Variants in NFIX observed in about 807,000 individuals in gnomAD.
The protein encoded by NFIX is nuclear factor I X, also known as nuclear factor 1 X-type.
A neutral mutation model predicts 53.3 loss-of-function variants in NFIX; 2 were observed. That is an observed-to-expected ratio of 0.04 (90% CI 0.02 to 0.12). The LOEUF is 0.12. Among genes scored for constraint, NFIX ranks in the 10% least tolerant of loss-of-function variants. The pLI is 1.00. For synonymous variants in NFIX, 244 were observed against 289.0 expected, an observed-to-expected ratio of 0.84 and a Z score of 1.58; for missense variants, 310 against 674.5, an observed-to-expected ratio of 0.46 and a Z score of 5.99.
At chr19:13,047,685 C>G (rs1342586386) in intron 2 of NFIX, among the ~76,000 whole-genome samples, 1 of 152,132 alleles carries the variant, frequency 6.6e-6, no homozygotes, top group Non-Finnish European at 1.5e-5. Context: ...GATAAGGAGG[C>G]CATGGGGAGG....
At chr19:13,058,560 C>T (rs1403421239) in intron 2 of NFIX, among the ~76,000 whole-genome samples, 1 of 149,658 alleles carries the variant, frequency 6.7e-6, no homozygotes, top group Non-Finnish European at 1.5e-5. Context: ...GGGACCACAG[C>T]TGCATGCTAC....
chr19:13,065,404 G>C (rs1009495876), intron 2 of NFIX, among the ~76,000 whole-genome samples: 3 of 152,190 alleles, frequency 2.0e-5, no homozygotes, highest in Admixed American at 6.5e-5. Flanking sequence ...AAACACCCCA[G>C]ACAGTGCTGC....
At chr19:13,050,779 C>A (rs925189077) in intron 2 of NFIX, among the ~76,000 whole-genome samples, 3 of 152,208 alleles carry the variant, frequency 2.0e-5, no homozygotes, top group African/African-American at 7.2e-5. Flanking sequence ...TCTGAGGAAA[C>A]CCAGTCCCCT....
At position 13,078,515 on chromosome 19, in the gene NFIX, G is replaced by A. The variant is rs1599855084; in HGVS notation, c.956-98G>A. On this transcript the variant is annotated intron_variant, in intron 6 of 10. Coordinates refer to ENST00000592199, the MANE Select transcript of NFIX (RefSeq NM_001365902.3). This position sits in a 1 kb window ranked among gnomAD's most constrained non-coding sequence, Gnocchi z 4.7. ...AGTGGAGGAAGGGGCAGTGGGGAGG[G>A]GCTGAGGAGAGAAGGAGCGAGCTGC... 5.6e-6 allele frequency: 8 copies of A among 1,418,002 alleles called. No homozygotes were observed. The highest frequency in any genetic ancestry group is 5.4e-5 in the South Asian group (4 of 74,292). 87.8% of individuals were successfully genotyped at this position (1,418,002 alleles called of 1,614,324 possible).
At chr19:13,007,356 T>A (rs1266739686) in intron 1 of NFIX, among the ~76,000 whole-genome samples, 1 of 152,118 alleles carries the variant, frequency 6.6e-6, no homozygotes, top group Non-Finnish European at 1.5e-5. Context: ...GGGGCACATG[T>A]TCTAAGCCAG....
In NFIX at chr19:13,043,022, T is replaced by C. The variant is rs187169075; in HGVS notation, c.559+17470T>C. 1.0e-3 allele frequency among the ~76,000 whole-genome samples: 155 copies of C among 152,328 alleles called. No individual in the cohort carries two copies. Among genetic ancestry groups the C allele is most frequent in the Non-Finnish European group, 1.7e-3 (117 of 68,028 alleles). ...AGCCTCAGAAAGATGTTGCCATCAT[T>C]GTACATATCGTGTACATTGCACATA... On this transcript the variant is annotated intron_variant, in intron 2 of 10. Coordinates refer to ENST00000592199, the MANE Select transcript of NFIX (RefSeq NM_001365902.3). The surrounding 1 kb of genome is among the most constrained non-coding windows in gnomAD (Gnocchi z 4.0).
rs8104665 is a variant in NFIX at position 13,081,483 on chromosome 19, T to A, written c.1079-197T>A. Among the ~76,000 whole-genome samples the A allele has an allele frequency of 0.022, 3,372 of 151,112 alleles. 122 individuals carry two copies. The highest frequency in any genetic ancestry group is 0.076 in the African/African-American group (3,159 of 41,428). On this transcript the variant is annotated intron_variant, in intron 7 of 10. Transcript: ENST00000592199. The surrounding 1 kb of genome is among the most constrained non-coding windows in gnomAD (Gnocchi z 4.7). ...TTTGATTATTATTATTATTATTATTTTTGTATTGCATTAAAACATCATGGA... is the reference window on the plus strand; with the variant it reads ...TTTGATTATTATTATTATTATTATTATTGTATTGCATTAAAACATCATGGA...
At chr19:13,056,890 C>G (rs368556903) in intron 2 of NFIX, among the ~76,000 whole-genome samples, 1 of 152,228 alleles carries the variant, frequency 6.6e-6, no homozygotes, top group Non-Finnish European at 1.5e-5. Context: ...GGGGCTGTGG[C>G]CTTTGCCCTG....
At chr19:13,071,812 G>A (rs976396699) in intron 2 of NFIX, among the ~76,000 whole-genome samples, 5 of 152,160 alleles carry the variant, frequency 3.3e-5, no homozygotes, top group Admixed American at 3.3e-4. Flanking sequence ...AAGCAGGGGT[G>A]CCACCCGGGT....
intron 1 of NFIX, among the ~76,000 whole-genome samples, chr19:13,016,332 C>T (rs1231739418): frequency 6.6e-6 from 1 of 152,102 alleles, no homozygotes; most frequent in African/African-American, 2.4e-5. Flanking sequence ...GCATGTGGTC[C>T]ACGAGGCATC....
Position 13,067,578 on chromosome 19 carries a change from G to A in NFIX, c.560-5469G>A, listed in dbSNP as rs1273441132. Among the ~76,000 whole-genome samples, 1 of 152,074 alleles carries A rather than the reference G, an allele frequency of 6.6e-6. No individual in the cohort carries two copies. Among genetic ancestry groups the A allele is most frequent in the East Asian group, 1.9e-4 (1 of 5,194 alleles). Reference sequence around the variant, plus strand: ...TGCACATACCTGGGTATGCATATGTGGGTTCAGCTAAGGCCAAATCTGTGC... The same window carrying A: ...TGCACATACCTGGGTATGCATATGTAGGTTCAGCTAAGGCCAAATCTGTGC... On this transcript the variant is annotated intron_variant, in intron 2 of 10. Coordinates refer to ENST00000592199, the MANE Select transcript of NFIX (RefSeq NM_001365902.3). This position sits in a 1 kb window ranked among gnomAD's most constrained non-coding sequence, Gnocchi z 4.2.
intron 2 of NFIX, among the ~76,000 whole-genome samples, chr19:13,033,085 A>T (rs955507562): frequency 1.3e-5 from 2 of 152,044 alleles, no homozygotes; most frequent in Non-Finnish European, 2.9e-5. Flanking sequence ...GGGCTGAGAG[A>T]TAGATAAATA....
In NFIX at chr19:13,093,388, C is replaced by T. The variant is rs1240206788; in HGVS notation, c.1495-1247C>T. ...ATTTTCACACGAAATTCTGTTTGGGCTTCTGGCTTCTTTTGAAAAGTTGGC... is the reference window on the plus strand; with the variant it reads ...ATTTTCACACGAAATTCTGTTTGGGTTTCTGGCTTCTTTTGAAAAGTTGGC... On this transcript the variant is annotated intron_variant, in intron 10 of 10. Transcript: ENST00000592199. The surrounding 1 kb of genome is among the most constrained non-coding windows in gnomAD (Gnocchi z 4.7). Among the ~76,000 whole-genome samples, 1 of 152,220 alleles carries T rather than the reference C, an allele frequency of 6.6e-6. No individual in the cohort carries two copies. The highest frequency in any genetic ancestry group is 2.4e-5 in the African/African-American group (1 of 41,472).
intron 1 of NFIX, among the ~76,000 whole-genome samples, chr19:13,008,432 T>C (rs879814945): frequency 1.4e-4 from 21 of 152,124 alleles, no homozygotes; most frequent in Non-Finnish European, 2.2e-4. Flanking sequence ...ATAAACCTGG[T>C]GTGTTTTCAT....
rs371802086 is a variant in NFIX at position 13,094,623 on chromosome 19, A to G, written c.1495-12A>G. 4 of 1,536,122 alleles carry G rather than the reference A, an allele frequency of 2.6e-6. No homozygotes were observed. The highest frequency in any genetic ancestry group is 3.3e-4 in the Middle Eastern group (2 of 5,976). On this transcript the variant is annotated splice_polypyrimidine_tract_variant and intron_variant, in intron 10 of 10. Transcript: ENST00000592199. The surrounding 1 kb of genome is among the most constrained non-coding windows in gnomAD (Gnocchi z 4.3). ...CTGTTCTCAGTATCGCCTCTTTTTC[A>G]TCCTGTTTCAGTCCTGGTTCCTCTG...
intron 1 of NFIX, chr19:13,024,593 T>G (rs1434598456): frequency 6.5e-7 from 1 of 1,536,176 alleles, no homozygotes; most frequent in South Asian, 1.2e-5. Context: ...ACGGACACTG[T>G]GCCGGGGCGA....
intron 1 of NFIX, among the ~76,000 whole-genome samples, chr19:13,007,207 C>T (rs1300920876): frequency 1.3e-5 from 2 of 152,094 alleles, no homozygotes; most frequent in Middle Eastern, 3.4e-3. Context: ...AACCTCACTT[C>T]CAAACCCGCC....
chr19:13,033,395 G>A (rs1405549670), intron 2 of NFIX, among the ~76,000 whole-genome samples: 2 of 152,140 alleles, frequency 1.3e-5, no homozygotes, highest in East Asian at 1.9e-4. Context: ...CCCTTTATGG[G>A]TCTGTCTCCC....
At chr19:13,075,363 A>G (rs532488672) in intron 5 of NFIX, among the ~76,000 whole-genome samples, 172 bp from the exon 6 acceptor site, 1 of 152,190 alleles carries the variant, frequency 6.6e-6, no homozygotes, top group East Asian at 1.9e-4. Context: ...GAGGGGCCCT[A>G]GGGCTGATCT....
Sources: gnomAD v4.1 joint callset for allele counts (sites outside exome capture counted in the v4.1 genomes callset) on GRCh38, gnomAD v4.1.1 for gene constraint, Gnocchi (gnomAD v3.1) non-coding constraint, MANE v1.5 for transcripts, NCBI Gene and HGNC (gene_info 2026-07-23, HGNC 2026-07-21) for gene names.